Variants in MTERF4 observed in about 807,000 individuals in gnomAD.
The protein encoded by MTERF4 is mitochondrial transcription termination factor 4.
In MTERF4, 17 loss-of-function variants were observed where a neutral mutation model predicts 22.5. The observed-to-expected ratio is 0.75, with a 90% CI of 0.52 to 1.13. MTERF4 has a LOEUF of 1.13. Ranked by LOEUF, MTERF4 falls within the 50% of genes most tolerant of loss-of-function variation. MTERF4 has a pLI of 0.00. For synonymous variants in MTERF4, 165 were observed against 175.3 expected (o/e 0.94, Z 0.47); for missense variants, 420 against 466.8 (o/e 0.90, Z 0.92).
chr2:241,071,756 C>T (rs1267264405), downstream of MTERF4: 13 of 1,500,348 alleles, frequency 8.7e-6, no homozygotes, highest in East Asian at 7.6e-5. Context: ...TCGCCCGAGG[C>T]GGCGCTCGGA....
chr2:241,064,156 C>T, the MTERF4 span: 1 of 1,401,836 alleles, frequency 7.1e-7, no homozygotes, highest in African/African-American at 1.6e-5. This position sits in a 1 kb window ranked among gnomAD's most constrained non-coding sequence, Gnocchi z 7.0. Flanking sequence ...GCTCCCCGCC[C>T]TCTGCCCGCC....
the MTERF4 span, among the ~76,000 whole-genome samples, chr2:241,045,084 T>G: frequency 2.0e-5 from 3 of 152,292 alleles, no homozygotes; most frequent in East Asian, 5.8e-4. Flanking sequence ...TTGAAAGACT[T>G]TAGTATAAAT....
downstream of MTERF4, chr2:241,067,761 T>A: frequency 6.2e-7 from 1 of 1,602,328 alleles, no homozygotes; most frequent in Non-Finnish European, 8.5e-7. Flanking sequence ...CCATTCCCCC[T>A]AGGACCCCGC....
At chr2:241,061,918 C>A in the MTERF4 span, among the ~76,000 whole-genome samples, 2 of 151,750 alleles carry the variant, frequency 1.3e-5, no homozygotes, top group South Asian at 2.1e-4. Flanking sequence ...CCCAAAGACC[C>A]AGCCAGTGAG....
At chr2:241,063,372 C>T in the MTERF4 span, 1 of 590,952 alleles carries the variant, frequency 1.7e-6, no homozygotes, top group South Asian at 1.9e-5. Context: ...AAGGCATGGC[C>T]TGGAGGTGGG....
chr2:241,071,364 C>A, downstream of MTERF4: 1 of 608,204 alleles, frequency 1.6e-6, no homozygotes, highest in East Asian at 2.8e-5. Context: ...GCGCATGGCT[C>A]CTCCTCAGAA....
chr2:241,064,255 G>A, the MTERF4 span: 7 of 626,340 alleles, frequency 1.1e-5, no homozygotes, highest in East Asian at 6.1e-5. This position sits in a 1 kb window ranked among gnomAD's most constrained non-coding sequence, Gnocchi z 7.0. Context: ...TCTGCCCGCC[G>A]CCTTGGAAGT....
intron 2 of MTERF4, chr2:241,099,102 A>C (rs1575194891): frequency 8.4e-6 from 2 of 239,032 alleles, no homozygotes; most frequent in East Asian, 8.9e-5. Flanking sequence ...TTTTTGAGAC[A>C]GCCTTGCTGT....
downstream of MTERF4, chr2:241,095,180 A>C (rs1357319492): frequency 2.0e-5 from 3 of 151,590 alleles, no homozygotes; most frequent in Non-Finnish European, 2.9e-5. Context: ...GCTGTCTGTA[A>C]CCAGGGCAGG....
the MTERF4 span, chr2:241,052,569 G>A: frequency 1.1e-6 from 1 of 946,424 alleles, no homozygotes; most frequent in Non-Finnish European, 1.7e-6. Flanking sequence ...CCAGTGCCAG[G>A]CAGGTGAGAG....
intron 4 of MTERF4, among the ~76,000 whole-genome samples, chr2:241,077,557 C>G (rs1027069892): frequency 6.6e-6 from 1 of 152,008 alleles, no homozygotes; most frequent in Non-Finnish European, 1.5e-5. Context: ...GCTCTGACAA[C>G]TGAACAATAA....
chr2:241,086,699 G>A (rs1203788542), downstream of MTERF4, among the ~76,000 whole-genome samples: 1 of 152,198 alleles, frequency 6.6e-6, no homozygotes, highest in African/African-American at 2.4e-5. Context: ...CGATCCTAAA[G>A]GTTCTATGAG....
chr2:241,046,872 T>C, the MTERF4 span, among the ~76,000 whole-genome samples: 12,686 of 152,170 alleles, frequency 0.083, 1,279 homozygotes, highest in East Asian at 0.26. Flanking sequence ...GTAGCTGGCG[T>C]GGTGGCTCAC....
chr2:241,048,777 A>AGGTCACCCTTCCTGCCCT, the MTERF4 span: 1 of 1,592,706 alleles, frequency 6.3e-7, no homozygotes, highest in Admixed American at 1.7e-5. Context: ...GTAGGTGCCC[A>AGGTCACCCTTCCTGCCCT]GGTCACCCTT....
the MTERF4 span, among the ~76,000 whole-genome samples, chr2:241,058,230 C>T: frequency 7.9e-5 from 12 of 152,068 alleles, no homozygotes; most frequent in Non-Finnish European, 1.3e-4. Context: ...GTTCCGTTCA[C>T]GAAGAAGATA....
chr2:241,087,556 G>A, downstream of MTERF4: 2 of 1,510,104 alleles, frequency 1.3e-6, no homozygotes, highest in Non-Finnish European at 1.8e-6. Context: ...GCTATGGGAT[G>A]CTGCAGGCCT....
chr2:241,043,293 G>A, the MTERF4 span, among the ~76,000 whole-genome samples: 12 of 152,012 alleles, frequency 7.9e-5, no homozygotes, highest in African/African-American at 1.2e-4. Context: ...TACATACAGC[G>A]AAACAAGAAT....
intron 4 of MTERF4, chr2:241,081,590 GT>G: frequency 1.0e-6 from 1 of 1,001,834 alleles, no homozygotes. Context: ...CCTGCATCAG[GT>G]CATCAAGGAA....
downstream of MTERF4, chr2:241,094,232 G>A (rs964483824): frequency 4.3e-6 from 2 of 461,104 alleles, no homozygotes; most frequent in Admixed American, 4.8e-5. This position sits in a 1 kb window ranked among gnomAD's most constrained non-coding sequence, Gnocchi z 4.3. Flanking sequence ...CTGTCCTCCA[G>A]TAGAGAACCC....
Sources: allele counts gnomAD v4.1 joint callset (sites outside exome capture counted in the v4.1 genomes callset), GRCh38; gene constraint gnomAD v4.1.1; non-coding constraint Gnocchi (gnomAD v3.1); transcripts MANE v1.5; gene names NCBI Gene and HGNC (gene_info 2026-07-23, HGNC 2026-07-21).